The following BMPR2 variants were observed in gnomAD, a reference collection of about 807,000 sequenced individuals.
BMPR2 encodes bone morphogenetic protein receptor type-2.
Under a neutral mutation model 100.8 loss-of-function variants are expected in BMPR2, and 29 were observed. The observed-to-expected ratio is 0.29, with a 90% CI of 0.21 to 0.39. BMPR2 has a LOEUF of 0.39. BMPR2 is among the 10% of genes least tolerant of loss of function. The pLI is 1.00. For synonymous variants in BMPR2, 382 were observed against 442.3 expected (o/e 0.86, Z 1.71); for missense variants, 1,011 against 1,274.5 (o/e 0.79, Z 3.15).
chr2:202,484,182 G>A (rs1015222590), intron 3 of BMPR2, among the ~76,000 whole-genome samples: 1 of 152,200 alleles, frequency 6.6e-6, no homozygotes, highest in African/African-American at 2.4e-5. Flanking sequence ...GGAAGCATCT[G>A]TATTTCTCAT....
chr2:202,514,888 G>A lies in BMPR2; in HGVS notation c.530G>A (p.Gly177Glu). 6.2e-7 allele frequency: 1 copy of A among 1,611,830 alleles called. No homozygotes were observed. Among genetic ancestry groups the A allele is most frequent in the East Asian group, 2.2e-5 (1 of 44,840 alleles). ...AGTAACCTGTTTCCTGTTCTTATAG[G>A]AGACCGTAAACAAGGTCTTCACAGT... ...ALCFGYRMLT[G>E]DRKQGLHSMN... Residue 177 changes from glycine (G) to glutamate (E), a missense_variant and splice_region_variant, in exon 5 of 13, where the codon GGA (glycine) becomes GAA (glutamate). By Grantham distance (98) the Gly-to-Glu change is moderately conservative. Around this residue, in one of 6 missense-constraint regions of BMPR2, gnomAD observed 355 missense variants for 455.3 expected, o/e 0.78. Coordinates refer to ENST00000374580, the MANE Select transcript of BMPR2 (RefSeq NM_001204.7).
chr2:202,530,530 G>T (rs1463360738), intron 7 of BMPR2, among the ~76,000 whole-genome samples: 1 of 151,828 alleles, frequency 6.6e-6, no homozygotes, highest in Non-Finnish European at 1.5e-5. Context: ...TAAATGAAGA[G>T]AAAAAACAAG....
intron 1 of BMPR2, among the ~76,000 whole-genome samples, chr2:202,404,721 A>T (rs1690849775): frequency 6.6e-6 from 1 of 152,190 alleles, no homozygotes; most frequent in Non-Finnish European, 1.5e-5. Flanking sequence ...GCTTCTACTA[A>T]TCCCATCACC....
At chr2:202,518,723 A>C in intron 5 of BMPR2, 99 bp from the exon 6 acceptor site, 1 of 957,852 alleles carries the variant, frequency 1.0e-6, no homozygotes, top group Non-Finnish European at 1.7e-6. Flanking sequence ...TAAGCAACAG[A>C]GAGCTGTAGC....
intron 1 of BMPR2, among the ~76,000 whole-genome samples, chr2:202,407,996 G>A (rs1387069546): frequency 6.6e-6 from 1 of 151,616 alleles, no homozygotes; most frequent in African/African-American, 2.4e-5. Flanking sequence ...ACCACGCCTG[G>A]CTATTTTTTT....
At chr2:202,396,745 A>G (rs1377994362) in intron 1 of BMPR2, among the ~76,000 whole-genome samples, 1 of 152,322 alleles carries the variant, frequency 6.6e-6, no homozygotes, top group Admixed American at 6.5e-5. Context: ...ATACAGCAAC[A>G]ATGTATTTCA....
chr2:202,489,798 T>C (rs1692860648), intron 3 of BMPR2, among the ~76,000 whole-genome samples: 1 of 152,210 alleles, frequency 6.6e-6, no homozygotes, highest in Non-Finnish European at 1.5e-5. Flanking sequence ...ATTGAAAGTT[T>C]TATATGTTGA....
chr2:202,513,908 A>T, intron 4 of BMPR2, 79 bp downstream of exon 4: 1 of 1,153,376 alleles, frequency 8.7e-7, no homozygotes, highest in Non-Finnish European at 1.3e-6. Flanking sequence ...TAAATTCCGT[A>T]TGTTAAAAAA....
intron 1 of BMPR2, among the ~76,000 whole-genome samples, chr2:202,429,618 C>T (rs1350217575): frequency 6.6e-6 from 1 of 152,078 alleles, no homozygotes; most frequent in Non-Finnish European, 1.5e-5. Context: ...GTGTATTAGT[C>T]CATTTTCACA....
chr2:202,434,908 A>AAAAAATATATAT (rs1559037398), intron 1 of BMPR2, among the ~76,000 whole-genome samples: 3 of 38,410 alleles, frequency 7.8e-5, no homozygotes, highest in Non-Finnish European at 1.3e-4. Flanking sequence ...AAAAAAAAAA[A>AAAAAATATATAT]ATATATATAT....
chr2:202,379,562 G>A (rs972374226), intron 1 of BMPR2, among the ~76,000 whole-genome samples: 9 of 152,182 alleles, frequency 5.9e-5, no homozygotes, highest in South Asian at 2.1e-4. Flanking sequence ...TGCAAATGTC[G>A]TAGTTCTGAA....
chr2:202,542,186 A>C, intron 9 of BMPR2, 125 bp from the exon 10 acceptor site: 1 of 1,101,360 alleles, frequency 9.1e-7, no homozygotes, highest in Non-Finnish European at 1.3e-6. Context: ...CCTGAAGGGG[A>C]TGAAAAAATA....
At chr2:202,483,990 A>G (rs1358537960) in intron 3 of BMPR2, among the ~76,000 whole-genome samples, 1 of 152,176 alleles carries the variant, frequency 6.6e-6, no homozygotes. Flanking sequence ...GCTACTCCAG[A>G]AGCTGAGGCA....
intron 1 of BMPR2, among the ~76,000 whole-genome samples, chr2:202,431,635 T>A (rs1350468580): frequency 1.3e-5 from 2 of 150,604 alleles, no homozygotes; most frequent in African/African-American, 5.0e-5. Flanking sequence ...ACATAAATAC[T>A]TAACATTGTG....
chr2:202,423,392 C>A (rs894719442), intron 1 of BMPR2, among the ~76,000 whole-genome samples: 1 of 152,168 alleles, frequency 6.6e-6, no homozygotes, highest in Non-Finnish European at 1.5e-5. Flanking sequence ...ACTTCAGACA[C>A]GGGGGCTGTG....
rs761525893 is a variant in BMPR2 at position 202,513,818 on chromosome 2, G to A, written c.518G>A (p.Arg173Lys). ...VLIVALCFGY[R>K]MLTGDRKQGL... ...ATAGTTGCCTTATGCTTTGGATACA[G>A]AATGTTGACAGGTAAAAATTACCAT... is the stretch of plus-strand genomic sequence containing the variant. The change falls in exon 4 of 13, where the codon AGA (arginine) becomes AAA (lysine). Residue 173 changes from arginine (R) to lysine (K), a missense_variant. Arg to Lys is a conservative substitution (Grantham distance 26). This residue lies in a region of BMPR2 where 355 missense variants were observed against 455.3 expected (regional missense o/e 0.78). Transcript: ENST00000374580. 6.2e-7 allele frequency: 1 copy of A among 1,608,692 alleles called. No homozygotes were observed. The highest frequency in any genetic ancestry group is 1.1e-5 in the South Asian group (1 of 90,758).
intron 1 of BMPR2, among the ~76,000 whole-genome samples, chr2:202,440,143 C>G (rs1691702709): frequency 6.6e-6 from 1 of 150,822 alleles, no homozygotes; most frequent in South Asian, 2.1e-4. Flanking sequence ...CAGTAACAAT[C>G]TGATCTCTCT....
chr2:202,431,096 CT>C (rs1259578696), intron 1 of BMPR2, among the ~76,000 whole-genome samples: 3 of 150,626 alleles, frequency 2.0e-5, no homozygotes, highest in African/African-American at 7.5e-5. Flanking sequence ...CAACTTCAAT[CT>C]GCTAAAATAT....
At position 202,555,278 on chromosome 2, in the gene BMPR2, C is replaced by G. The variant is rs1688544863; in HGVS notation, c.1613C>G (p.Pro538Arg). The change falls in exon 12 of 13, where the codon CCA becomes CGA. Residue 538 changes from proline to arginine, a missense_variant. Around this residue, in one of 6 missense-constraint regions of BMPR2, gnomAD observed 508 missense variants for 552.0 expected, o/e 0.92. Transcript: ENST00000374580. ...ERNLSHNRRV[P>R]KIGPYPDYSS... is the part of the protein sequence containing the mutation. ...AACCTGTCACATAATAGGCGTGTGC[C>G]AAAAATTGGTCCTTATCCAGATTAT... 1 of 1,613,932 alleles carries G rather than the reference C, an allele frequency of 6.2e-7. No homozygotes were observed.
Sources: allele counts gnomAD v4.1 joint callset (sites outside exome capture counted in the v4.1 genomes callset), GRCh38; gene constraint gnomAD v4.1.1; regional missense constraint gnomAD v4.1.1; transcripts MANE v1.5; gene names NCBI Gene and HGNC (gene_info 2026-07-23, HGNC 2026-07-21).